SNTG1: variants seen among roughly 807,000 people sequenced by gnomAD.
SNTG1 encodes the protein gamma-1-syntrophin.
A neutral mutation model predicts 74.7 loss-of-function variants in SNTG1; 39 were observed. That is an observed-to-expected ratio of 0.52 (90% CI 0.40 to 0.68). The LOEUF is 0.68. SNTG1 is among the 30% of genes least tolerant of loss of function. The pLI, the probability that SNTG1 is intolerant of heterozygous loss-of-function variation, is 0.00. For missense variants in SNTG1, 685 were observed against 609.5 expected, an observed-to-expected ratio of 1.12 and a Z score of -1.30; for synonymous variants, 254 against 217.1, an observed-to-expected ratio of 1.17 and a Z score of -1.49.
chr8:49,918,719 G>A (rs1806264664), intron 1 of SNTG1, among the ~76,000 whole-genome samples: 1 of 151,716 alleles, frequency 6.6e-6, no homozygotes, highest in South Asian at 2.1e-4. Flanking sequence ...ATTTTTTTTT[G>A]TAATTTCTTC....
At chr8:50,748,419 G>A (rs1273120826) in intron 17 of SNTG1, among the ~76,000 whole-genome samples, 5 of 151,946 alleles carry the variant, frequency 3.3e-5, no homozygotes, top group African/African-American at 1.2e-4. Context: ...AGAAATCTGG[G>A]TTTTAAGGAT....
chr8:50,669,644 C>T (rs1426181515), intron 15 of SNTG1, among the ~76,000 whole-genome samples: 2 of 152,206 alleles, frequency 1.3e-5, no homozygotes, highest in Admixed American at 6.5e-5. Flanking sequence ...CCTTCTGAAA[C>T]TATTCCAATC....
chr8:50,511,941 G>T (rs1265613076), intron 9 of SNTG1, among the ~76,000 whole-genome samples: 2 of 152,046 alleles, frequency 1.3e-5, no homozygotes, highest in Admixed American at 6.6e-5. Flanking sequence ...GTTGTGTGTG[G>T]ATTTCATCCT....
At chr8:50,628,242 C>A (rs2094970339) in intron 13 of SNTG1, among the ~76,000 whole-genome samples, 1 of 151,740 alleles carries the variant, frequency 6.6e-6, no homozygotes, top group African/African-American at 2.4e-5. Flanking sequence ...TTGTATTGAC[C>A]TGGCTGACTA....
At chr8:50,021,500 A>C (rs1299030617) in intron 1 of SNTG1, among the ~76,000 whole-genome samples, 2 of 152,206 alleles carry the variant, frequency 1.3e-5, no homozygotes, top group East Asian at 3.8e-4. Flanking sequence ...GAGTTAATTA[A>C]GCTAATGAAA....
At chr8:50,351,041 C>A (rs1418514940) in intron 2 of SNTG1, among the ~76,000 whole-genome samples, 1 of 152,178 alleles carries the variant, frequency 6.6e-6, no homozygotes, top group East Asian at 1.9e-4. Context: ...ACACTCACTG[C>A]GAGGGTCTGC....
At chr8:50,251,907 C>A (rs2129907787) in intron 2 of SNTG1, among the ~76,000 whole-genome samples, 2 of 152,106 alleles carry the variant, frequency 1.3e-5, no homozygotes, top group South Asian at 4.1e-4. Flanking sequence ...CTGCAGAATT[C>A]CAAGTTTTCT....
chr8:50,419,742 A>G (rs1199601374), intron 4 of SNTG1, among the ~76,000 whole-genome samples: 1 of 152,196 alleles, frequency 6.6e-6, no homozygotes, highest in Non-Finnish European at 1.5e-5. Context: ...AGATATTAGA[A>G]TTATATAATA....
At chr8:50,514,689 A>G (rs1337465222) in intron 9 of SNTG1, among the ~76,000 whole-genome samples, 1 of 152,188 alleles carries the variant, frequency 6.6e-6, no homozygotes, top group Non-Finnish European at 1.5e-5. Context: ...ACATAAGAAG[A>G]ATGTATATTT....
chr8:50,410,484 T>C (rs747795837), intron 4 of SNTG1, among the ~76,000 whole-genome samples: 5 of 152,228 alleles, frequency 3.3e-5, no homozygotes, highest in Admixed American at 6.5e-5. Flanking sequence ...ATATTGAATT[T>C]ACAAAGAATA....
intron 13 of SNTG1, among the ~76,000 whole-genome samples, chr8:50,641,226 T>A (rs1171623956): frequency 1.3e-5 from 2 of 152,166 alleles, no homozygotes; most frequent in Non-Finnish European, 2.9e-5. Context: ...GTCTATTCTC[T>A]CCATTTCTTT....
rs13269359 is a variant in SNTG1, at chr8:50,259,512, G to C, written c.-28+86877G>C. On this transcript the variant is annotated intron_variant, in intron 2 of 18. Transcript: ENST00000642720. ...AGACGCTGTCTCAAAAAAAAAAAAA[G>C]AAAGAAAGAAAGAAAGAAAGAAAGA... Among the ~76,000 whole-genome samples, 4 of 15,212 alleles carry C rather than the reference G, an allele frequency of 2.6e-4. 1 individual carries two copies. Among genetic ancestry groups the C allele is most frequent in the Non-Finnish European group, 8.4e-4 (4 of 4,734 alleles). 10.0% of individuals were successfully genotyped at this position (15,212 alleles called of 152,430 possible). A position where few individuals can be genotyped will look rare whatever the true frequency, so the allele number is the denominator to read the frequency against.
chr8:50,433,009 C>T (rs1038096851), intron 4 of SNTG1, among the ~76,000 whole-genome samples: 2 of 152,006 alleles, frequency 1.3e-5, no homozygotes, highest in South Asian at 2.1e-4. Flanking sequence ...AGGCTGGTCT[C>T]GAACTCCTGA....
At chr8:50,286,149 G>C (rs2088769686) in intron 2 of SNTG1, among the ~76,000 whole-genome samples, 1 of 151,914 alleles carries the variant, frequency 6.6e-6, no homozygotes, top group African/African-American at 2.4e-5. Context: ...ATTTTTATGT[G>C]TGCCTTATGA....
intron 13 of SNTG1, among the ~76,000 whole-genome samples, chr8:50,607,625 T>C (rs957601291): frequency 2.0e-5 from 3 of 151,752 alleles, no homozygotes; most frequent in Non-Finnish European, 4.4e-5. Context: ...TAAAGCCTTA[T>C]CAATTTTGTT....
chr8:50,087,331 C>T (rs967468765), intron 1 of SNTG1, among the ~76,000 whole-genome samples: 1 of 152,166 alleles, frequency 6.6e-6, no homozygotes, highest in African/African-American at 2.4e-5. Flanking sequence ...CTCAATTACC[C>T]CTCGGCTTTG....
chr8:50,774,817 G>A (rs1249865768), intron 18 of SNTG1, among the ~76,000 whole-genome samples: 2 of 151,426 alleles, frequency 1.3e-5, no homozygotes. Flanking sequence ...CCAAAGAAGT[G>A]GGGGGAACAG....
At chr8:50,583,607 T>A (rs539096114) in intron 12 of SNTG1, among the ~76,000 whole-genome samples, 33 of 152,106 alleles carry the variant, frequency 2.2e-4, no homozygotes, top group Non-Finnish European at 3.7e-4. Flanking sequence ...TCAAATCAAA[T>A]GTTTCTTATG....
chr8:50,302,851 C>T (rs1441471340), intron 2 of SNTG1, among the ~76,000 whole-genome samples: 2 of 152,124 alleles, frequency 1.3e-5, no homozygotes, highest in African/African-American at 2.4e-5. Context: ...TTATAAATCA[C>T]CCTATATGCT....
Sources: gnomAD v4.1 joint callset for allele counts (sites outside exome capture counted in the v4.1 genomes callset) on GRCh38, gnomAD v4.1.1 for gene constraint, MANE v1.5 for transcripts, NCBI Gene and HGNC (gene_info 2026-07-23, HGNC 2026-07-21) for gene names.